Variants in SYNE2 observed in about 807,000 individuals in gnomAD.
The protein encoded by SYNE2 is nesprin-2.
In SYNE2, 431 loss-of-function variants were observed where a neutral mutation model predicts 856.3. The observed-to-expected ratio is 0.50, with a 90% confidence interval of 0.47 to 0.55. SYNE2 has a LOEUF of 0.55. Ranked by LOEUF, SYNE2 falls within the 20% of genes least tolerant of loss-of-function variation. The pLI, the probability that SYNE2 is intolerant of heterozygous loss-of-function variation, is 0.00. For missense variants in SYNE2, 8,129 were observed against 8,023.2 expected (o/e 1.01, Z -0.50); for synonymous variants, 2,923 against 2,872.3 (o/e 1.02, Z -0.56).
At chr14:64,141,653 G>A in intron 81 of SYNE2, 130 bp downstream of exon 81, 1 of 1,045,612 alleles carries the variant, frequency 9.6e-7, no homozygotes, top group Non-Finnish European at 1.4e-6. Context: ...CTGAATATAA[G>A]TCTTAATTAC....
chr14:63,783,585 G>A (rs1887407811), intron 1 of SYNE2, among the ~76,000 whole-genome samples: 1 of 152,146 alleles, frequency 6.6e-6, no homozygotes, highest in Non-Finnish European at 1.5e-5. Flanking sequence ...AACAGATATA[G>A]TATCACTTTT....
chr14:64,088,536 A>G (rs117602216), intron 58 of SYNE2, among the ~76,000 whole-genome samples: 2,262 of 152,294 alleles, frequency 0.015, 49 homozygotes, highest in Middle Eastern at 0.051. Flanking sequence ...TTACGGAGGC[A>G]GAGGCAGAAG....
At chr14:64,079,181 G>T (rs910198535) in intron 55 of SYNE2, among the ~76,000 whole-genome samples, 1 of 151,922 alleles carries the variant, frequency 6.6e-6, no homozygotes, top group Non-Finnish European at 1.5e-5. Context: ...CTTATCTTGG[G>T]GATACTGATA....
At chr14:64,222,708 A>AGTG (rs1205122989) in intron 112 of SYNE2, among the ~76,000 whole-genome samples, 3 of 152,182 alleles carry the variant, frequency 2.0e-5, no homozygotes, top group African/African-American at 7.2e-5. Context: ...CCTGGGCGAC[A>AGTG]GAGTGAGACT....
intron 45 of SYNE2, 47 bp from the exon 46 acceptor site, chr14:64,047,953 A>G: frequency 6.3e-7 from 1 of 1,590,200 alleles, no homozygotes; most frequent in Non-Finnish European, 8.6e-7. Context: ...AAAAGGATTT[A>G]TTTGGAAAGT....
chr14:63,921,506 A>G (rs948482198), intron 2 of SYNE2, among the ~76,000 whole-genome samples: 2 of 152,236 alleles, frequency 1.3e-5, no homozygotes, highest in Non-Finnish European at 2.9e-5. Flanking sequence ...CCAGAGAAGT[A>G]GGAAGAGACC....
intron 82 of SYNE2, among the ~76,000 whole-genome samples, chr14:64,142,473 C>T (rs1035693368): frequency 2.0e-5 from 3 of 152,156 alleles, no homozygotes; most frequent in Admixed American, 6.6e-5. Flanking sequence ...CCAGGGCCCA[C>T]GTTTAACTGT....
chr14:63,811,225 A>T (rs1385122297), intron 1 of SYNE2, among the ~76,000 whole-genome samples: 3 of 151,942 alleles, frequency 2.0e-5, no homozygotes, highest in African/African-American at 7.3e-5. Context: ...AAAATTGGAA[A>T]CATTAGTTAT....
intron 1 of SYNE2, among the ~76,000 whole-genome samples, chr14:63,901,663 A>G (rs2095338310): frequency 6.6e-6 from 1 of 152,200 alleles, no homozygotes; most frequent in Admixed American, 6.5e-5. Flanking sequence ...AATTGCTCAC[A>G]TCTGTAATCC....
chr14:63,807,862 TATA>T (rs1888439028), intron 1 of SYNE2, among the ~76,000 whole-genome samples: 1 of 106,334 alleles, frequency 9.4e-6, no homozygotes, highest in African/African-American at 3.4e-5. Context: ...TATATATATA[TATA>T]ATTTCAATAG....
At chr14:64,140,102 A>G in intron 80 of SYNE2, 29 bp downstream of exon 80, 2 of 1,600,346 alleles carry the variant, frequency 1.2e-6, no homozygotes, top group South Asian at 1.1e-5. Flanking sequence ...TGTTCAGTTA[A>G]TTACTGGTCA....
At chr14:64,057,157 A>T (rs1293798863) in intron 49 of SYNE2, among the ~76,000 whole-genome samples, 2 of 151,982 alleles carry the variant, frequency 1.3e-5, no homozygotes, top group Non-Finnish European at 2.9e-5. Flanking sequence ...GTTATTTTTA[A>T]ATGTACAGTT....
chr14:63,859,740 CAG>C (rs896647738), intron 1 of SYNE2, among the ~76,000 whole-genome samples: 7 of 152,206 alleles, frequency 4.6e-5, no homozygotes, highest in Admixed American at 2.0e-4. Flanking sequence ...TGCTTGAACT[CAG>C]GGGGTGGAGG....
chr14:64,134,043 C>T (rs779040139), intron 77 of SYNE2, 26 bp from the exon 78 acceptor site: 2 of 1,613,384 alleles, frequency 1.2e-6, no homozygotes, highest in African/African-American at 1.3e-5. Flanking sequence ...AGGGCTTCCA[C>T]TAATTTTATG....
rs376122020 is a variant in SYNE2, at chr14:63,878,836, C to T, written c.-52+25693C>T. Among the ~76,000 whole-genome samples the T allele has an allele frequency of 3.7e-4, 57 of 152,304 alleles. 1 individual carries two copies. Among genetic ancestry groups the T allele is most frequent in the African/African-American group, 1.1e-3 (45 of 41,552 alleles). ...TTGGAATTACAGGTGTGAGCCACTG[C>T]GCTCGGCTTGAAGCCCGTTTTAAAA... On this transcript the variant is annotated intron_variant, in intron 1 of 115. Coordinates refer to ENST00000555002, the MANE Select transcript of SYNE2 (RefSeq NM_182914.3).
intron 16 of SYNE2, 36 bp from the exon 17 acceptor site, chr14:63,982,594 G>A: frequency 6.3e-7 from 1 of 1,580,018 alleles, no homozygotes; most frequent in Non-Finnish European, 8.7e-7. Context: ...ACAATATCGT[G>A]TCATTAAGAT....
chr14:64,142,106 G>A lies in SYNE2; in HGVS notation c.15306+18G>A, dbSNP rs997331455. 7 of 1,613,878 alleles carry A rather than the reference G, an allele frequency of 4.3e-6. No homozygotes were observed. ...AGCACAAGGTAATTATGCAAAAGGA[G>A]CAGAAGTCTTTTCATTGAAACAAGA... On this transcript the variant is annotated intron_variant, in intron 82 of 115. Transcript: ENST00000555002.
intron 97 of SYNE2, among the ~76,000 whole-genome samples, chr14:64,187,416 G>T: frequency 6.6e-6 from 1 of 152,258 alleles, no homozygotes; most frequent in African/African-American, 2.4e-5. Flanking sequence ...TATATGAAAA[G>T]TGTTCTGAAA....
chr14:63,765,053 G>T (rs1303278938), intron 1 of SYNE2, among the ~76,000 whole-genome samples: 1 of 152,142 alleles, frequency 6.6e-6, no homozygotes, highest in Non-Finnish European at 1.5e-5. Flanking sequence ...ACAGCCAGGG[G>T]GTCAAGGAGG....
Sources: gnomAD v4.1 joint callset for allele counts (sites outside exome capture counted in the v4.1 genomes callset) on GRCh38, gnomAD v4.1.1 for gene constraint, MANE v1.5 for transcripts, NCBI Gene and HGNC (gene_info 2026-07-23, HGNC 2026-07-21) for gene names.